Variants in TRMT9B observed in about 807,000 individuals in gnomAD.
TRMT9B encodes the protein probable tRNA methyltransferase 9B.
Under a neutral mutation model 11.5 loss-of-function variants are expected in TRMT9B, and 16 were observed. The ratio of observed to expected loss-of-function variants is 1.39; its 90% CI spans 0.94 to 2.11. The LOEUF (loss-of-function observed/expected upper bound fraction) is 2.11, where lower values mean the gene tolerates loss of function less well. Ranked by LOEUF, TRMT9B falls within the 30% of genes most tolerant of loss-of-function variation. The pLI is 0.00. For missense variants in TRMT9B, 941 were observed against 553.8 expected, an observed-to-expected ratio of 1.70 and a Z score of -7.02; for synonymous variants, 274 against 192.4, an observed-to-expected ratio of 1.42 and a Z score of -3.51.
chr8:12,983,992 G>C (rs1805844381), intron 1 of TRMT9B, among the ~76,000 whole-genome samples: 1 of 152,138 alleles, frequency 6.6e-6, no homozygotes, highest in Non-Finnish European at 1.5e-5. Flanking sequence ...GAACATGATT[G>C]CTTATCAGAA....
rs991625712 is a variant in TRMT9B at position 12,961,152 on chromosome 8, C to G, written c.-200+15186C>G. Among the ~76,000 whole-genome samples, 5 of 151,702 alleles carry G rather than the reference C, an allele frequency of 3.3e-5. No homozygotes were observed. In the South Asian group the frequency reaches 8.3e-4, roughly 25 times the overall value. Reference sequence around the variant, plus strand: ...GAGACTCCATCTCAAAACAAACAAACAAACAAAAAACTATTCTGTGTGATA... The same window carrying G: ...GAGACTCCATCTCAAAACAAACAAAGAAACAAAAAACTATTCTGTGTGATA... On this transcript the variant is annotated intron_variant, in intron 1 of 4. Coordinates refer to ENST00000524591, the MANE Select transcript of TRMT9B (RefSeq NM_020844.3).
At chr8:13,006,555 A>C (rs1169743768) in intron 3 of TRMT9B, 199 bp downstream of exon 3, 1 of 1,426,086 alleles carries the variant, frequency 7.0e-7, no homozygotes, top group Non-Finnish European at 9.2e-7. Flanking sequence ...TTTTGTTCTA[A>C]TAGGAATCCT....
intron 1 of TRMT9B, among the ~76,000 whole-genome samples, chr8:12,989,671 C>G (rs764425626): frequency 6.6e-6 from 1 of 152,178 alleles, no homozygotes; most frequent in African/African-American, 2.4e-5. Context: ...GTCGACTGCC[C>G]AGGTCAGAGC....
intron 1 of TRMT9B, among the ~76,000 whole-genome samples, chr8:12,964,871 T>G (rs572731217): frequency 6.6e-6 from 1 of 152,196 alleles, no homozygotes; most frequent in East Asian, 1.9e-4. Context: ...GGATTACAGG[T>G]GTGAGCCATG....
intron 1 of TRMT9B, among the ~76,000 whole-genome samples, chr8:12,971,620 C>G (rs1036956844): frequency 1.3e-5 from 2 of 151,868 alleles, no homozygotes; most frequent in African/African-American, 4.8e-5. Context: ...CCCTAATCTG[C>G]AAGAAAAAGA....
chr8:12,980,240 C>T (rs933515907), intron 1 of TRMT9B, among the ~76,000 whole-genome samples: 3 of 152,144 alleles, frequency 2.0e-5, no homozygotes, highest in Admixed American at 2.0e-4. Flanking sequence ...CTCCAATTCC[C>T]GGTGGGCCCA....
At chr8:12,976,466 G>A (rs147956841) in intron 1 of TRMT9B, among the ~76,000 whole-genome samples, 2 of 152,030 alleles carry the variant, frequency 1.3e-5, no homozygotes, top group East Asian at 3.9e-4. Context: ...TGGGCCGGGT[G>A]CAGTGGCTCG....
intron 1 of TRMT9B, among the ~76,000 whole-genome samples, chr8:12,946,373 G>C (rs1375103239): frequency 2.0e-5 from 3 of 152,116 alleles, no homozygotes; most frequent in Non-Finnish European, 4.4e-5. Context: ...GAGCAGAGTT[G>C]ATAAATAAAA....
intron 2 of TRMT9B, among the ~76,000 whole-genome samples, chr8:12,991,527 T>C (rs1563375907): frequency 6.6e-6 from 1 of 152,246 alleles, no homozygotes; most frequent in African/African-American, 2.4e-5. Context: ...TTATGCTCTC[T>C]CTTTTTTAAT....
intron 1 of TRMT9B, among the ~76,000 whole-genome samples, chr8:12,986,724 G>C (rs1806376846): frequency 6.6e-6 from 1 of 152,038 alleles, no homozygotes; most frequent in Non-Finnish European, 1.5e-5. Context: ...ACTGTATCAG[G>C]CTTATTATCA....
chr8:12,959,047 C>T (rs1801690413), intron 1 of TRMT9B, among the ~76,000 whole-genome samples: 1 of 152,060 alleles, frequency 6.6e-6, no homozygotes, highest in African/African-American at 2.4e-5. Context: ...ACCTATGTAA[C>T]AAACCTGCAT....
intron 3 of TRMT9B, chr8:13,006,605 T>C (rs952822102): frequency 2.1e-5 from 29 of 1,390,838 alleles, no homozygotes; most frequent in Non-Finnish European, 2.7e-5. Context: ...AGAATATTCA[T>C]TTTACAGCAG....
chr8:12,986,433 C>G (rs755857261), intron 1 of TRMT9B, among the ~76,000 whole-genome samples: 1 of 152,050 alleles, frequency 6.6e-6, no homozygotes, highest in Non-Finnish European at 1.5e-5. Context: ...AAAGTGCTGC[C>G]GTCAATTATG....
intron 1 of TRMT9B, among the ~76,000 whole-genome samples, chr8:12,965,871 G>C (rs532182881): frequency 2.6e-5 from 4 of 151,308 alleles, no homozygotes; most frequent in African/African-American, 9.7e-5. Flanking sequence ...AAATCAGCCG[G>C]GTGTGGTGGC....
intron 1 of TRMT9B, among the ~76,000 whole-genome samples, chr8:12,957,010 G>A (rs984380063): frequency 6.6e-6 from 1 of 152,190 alleles, no homozygotes; most frequent in East Asian, 1.9e-4. Context: ...GTTGGAAAAT[G>A]AGAGAAAATA....
At chr8:13,009,192 C>G (rs1325877813) in intron 3 of TRMT9B, among the ~76,000 whole-genome samples, 4 of 152,064 alleles carry the variant, frequency 2.6e-5, no homozygotes, top group Admixed American at 2.0e-4. Flanking sequence ...TACATGGGAT[C>G]TAAAACAGTT....
intron 1 of TRMT9B, among the ~76,000 whole-genome samples, chr8:12,959,516 C>CTCTTTTTTTTTTTTTTTTTTT (rs757156112): frequency 1.3e-5 from 1 of 74,894 alleles, no homozygotes; most frequent in African/African-American, 5.0e-5. Context: ...TTTTTCCTTC[C>CTCTTTTTTTTTTTTTTTTTTT]TTTTTTTTTT....
At chr8:12,964,249 G>T (rs1028872312) in intron 1 of TRMT9B, among the ~76,000 whole-genome samples, 1 of 152,082 alleles carries the variant, frequency 6.6e-6, no homozygotes. Flanking sequence ...CAACATCATT[G>T]ACATGGGGTA....
rs7840095 is a variant in TRMT9B, at chr8:13,029,183, C to A, written c.*7139C>A. The A allele has an allele frequency of 1.3e-5, 2 of 158,442 alleles. No homozygotes were observed. The highest frequency in any genetic ancestry group is 6.9e-5 in the Admixed American group (1 of 14,578). 9.8% of individuals were successfully genotyped at this position (158,442 alleles called of 1,614,324 possible). ...GAAATGTATTTCATTGAATAAATAG[C>A]TTTTGTTTGTTTGTTTGTTTGTTTC... On this transcript the variant is annotated 3_prime_UTR_variant, in exon 5 of 5. Coordinates refer to ENST00000524591, the MANE Select transcript of TRMT9B (RefSeq NM_020844.3).
Sources: allele counts gnomAD v4.1 joint callset (sites outside exome capture counted in the v4.1 genomes callset), GRCh38; gene constraint gnomAD v4.1.1; transcripts MANE v1.5; gene names NCBI Gene and HGNC (gene_info 2026-07-23, HGNC 2026-07-21).